The following ATAD2 variants were observed in gnomAD, a reference collection of about 807,000 sequenced individuals.
The protein encoded by ATAD2 is ATPase family AAA domain containing 2, also known as ATPase family AAA domain-containing protein 2.
A neutral mutation model predicts 168.9 loss-of-function variants in ATAD2; 62 were observed. The ratio of observed to expected loss-of-function variants is 0.37; its 90% confidence interval spans 0.30 to 0.45. ATAD2 has a LOEUF of 0.45. Ranked by LOEUF, ATAD2 falls within the 20% of genes least tolerant of loss-of-function variation. The probability of loss-of-function intolerance (pLI) is 1.00; values close to 1 mark genes in which losing one functional copy is unlikely to be tolerated. For missense variants in ATAD2, 1,419 were observed against 1,667.8 expected (o/e 0.85, Z 2.60); for synonymous variants, 613 against 571.6 (o/e 1.07, Z -1.03).
intron 1 of ATAD2, among the ~76,000 whole-genome samples, chr8:123,409,416 G>T (rs184733212): frequency 6.6e-6 from 1 of 152,244 alleles, no homozygotes; most frequent in East Asian, 1.9e-4. Context: ...CTTTAACTTG[G>T]GAAAATAGCA....
In ATAD2 at chr8:123,371,824, G is replaced by A. The variant is rs1405229522; in HGVS notation, c.382C>T (p.Pro128Ser). ...CTAGCCCTCAATGACCGAGTAACTG[G>A]AATCACTTTGTCTTCACAAATGCAT... ...KEEHREDKVI[P>S]VTRSLRARNI... The change falls in exon 4 of 28, where the codon CCA (proline) becomes TCA (serine). Residue 128 changes from proline (P) to serine (S), a missense_variant. Physicochemically the swap from Pro to Ser is moderately conservative, Grantham distance 74 (BLOSUM62 -1). Coordinates refer to ENST00000287394, the MANE Select transcript of ATAD2 (RefSeq NM_014109.4). 6.3e-7 allele frequency: 1 copy of A among 1,597,232 alleles called. No homozygotes were observed. The highest frequency in any genetic ancestry group is 2.2e-5 in the East Asian group (1 of 44,620).
At chr8:123,333,389 G>A in intron 24 of ATAD2, among the ~76,000 whole-genome samples, 1 of 139,956 alleles carries the variant, frequency 7.1e-6, no homozygotes, top group African/African-American at 2.7e-5. Context: ...CAGCCTGGGT[G>A]ACAGAGCGAG....
intron 1 of ATAD2, chr8:123,381,001 G>T: frequency 4.8e-6 from 1 of 209,262 alleles, no homozygotes; most frequent in South Asian, 9.5e-5. Flanking sequence ...TATTATAGTA[G>T]GTACTCATTT....
In ATAD2 at chr8:123,325,906, T is replaced by C. The variant is rs1488956381; in HGVS notation, c.3989A>G (p.His1330Arg). 1.2e-6 allele frequency: 2 copies of C among 1,614,166 alleles called. No individual in the cohort carries two copies. The highest frequency in any genetic ancestry group is 2.2e-5 in the East Asian group (1 of 44,892). ...SQPTPSLVVD[H>R]ERLKNLLKTV... ...CAATTTACATACTTTTAATCGCTCA[T>C]GATCCACAACAAGTGAGGGTGTAGG... The change falls in exon 26 of 28, where the codon CAT (histidine) becomes CGT (arginine). Residue 1330 changes from histidine to arginine, a missense_variant. Physicochemically the swap from His to Arg is conservative, Grantham distance 29. This residue lies in a region of ATAD2 where 303 missense variants were observed against 304.3 expected (regional missense o/e 1.00). Transcript: ENST00000287394.
upstream of ATAD2, among the ~76,000 whole-genome samples, chr8:123,396,687 C>T (rs1313494633): frequency 6.6e-6 from 1 of 152,196 alleles, no homozygotes; most frequent in African/African-American, 2.4e-5. Flanking sequence ...TCGCTGAGCT[C>T]GGCGGAAGGA....
chr8:123,325,700 C>T (rs1471250385), intron 26 of ATAD2, among the ~76,000 whole-genome samples, 193 bp downstream of exon 26: 1 of 152,124 alleles, frequency 6.6e-6, no homozygotes, highest in Non-Finnish European at 1.5e-5. Context: ...GGATTACAGG[C>T]GTGAGCCACT....
At position 123,369,046 on chromosome 8, in the gene ATAD2, TC is replaced by T; in HGVS notation, c.1049+11del. On this transcript the variant is annotated intron_variant, in intron 8 of 27. Coordinates refer to ENST00000287394, the MANE Select transcript of ATAD2 (RefSeq NM_014109.4). The stretch of plus-strand genomic sequence containing the variant: ...ATGTTGTCATAAATCAATCACTATA[TC>T]AGAACCAAACCTGTTCATTCGTTTA... 6.8e-7 allele frequency: 1 copy of T among 1,479,890 alleles called. No homozygotes were observed. The highest frequency in any genetic ancestry group is 9.3e-7 in the Non-Finnish European group (1 of 1,075,680). 91.7% of individuals were successfully genotyped at this position (1,479,890 alleles called of 1,614,324 possible). A position where few individuals can be genotyped will look rare whatever the true frequency, so the allele number is the denominator to read the frequency against.
intron 18 of ATAD2, among the ~76,000 whole-genome samples, chr8:123,345,357 T>C (rs1468852584): frequency 6.6e-6 from 1 of 152,144 alleles, no homozygotes; most frequent in Non-Finnish European, 1.5e-5. Flanking sequence ...TAAAATATTT[T>C]TATGTTTTAA....
chr8:123,415,054 T>C (rs565430061), intron 1 of ATAD2, among the ~76,000 whole-genome samples: 39 of 152,340 alleles, frequency 2.6e-4, no homozygotes, highest in African/African-American at 9.4e-4. Context: ...CCAGGATTTG[T>C]TTCAAGATTT....
intron 15 of ATAD2, 75 bp from the exon 16 acceptor site, chr8:123,347,481 A>G: frequency 7.4e-7 from 1 of 1,348,544 alleles, no homozygotes; most frequent in Non-Finnish European, 1.0e-6. Context: ...TAGCATGACC[A>G]TGGTTAAAAA....
At chr8:123,345,505 A>AC (rs1486473803) in intron 18 of ATAD2, among the ~76,000 whole-genome samples, 1 of 141,466 alleles carries the variant, frequency 7.1e-6, no homozygotes, top group African/African-American at 2.9e-5. Context: ...CTATTAAAAT[A>AC]CAAAAAAAAA....
intron 13 of ATAD2, 126 bp downstream of exon 13, chr8:123,356,263 C>G (rs1828642234): frequency 3.0e-6 from 2 of 672,136 alleles, no homozygotes; most frequent in Non-Finnish European, 4.9e-6. Flanking sequence ...TACTGGGGTT[C>G]TACTACCAAA....
At chr8:123,322,555 G>C (rs929457334) in intron 27 of ATAD2, among the ~76,000 whole-genome samples, 4 of 152,132 alleles carry the variant, frequency 2.6e-5, no homozygotes, top group Admixed American at 2.6e-4. Context: ...TGTGGTCCCA[G>C]CTACTTGGGA....
Position 123,349,384 on chromosome 8 carries a change from C to A in ATAD2, c.1707G>T (p.Val569=). The part of the protein sequence containing the change: ...MDGLDSRGEI[V]VIGATNRLDS... ...CTAGCCTGTTCGTAGCACCAATGAC[C>A]ACAATTTCCCCTCTGCTGTCCAATC... Residue 569 remains valine (V), a synonymous_variant, in exon 14 of 28, where the codon GTG becomes GTT. Coordinates refer to ENST00000287394, the MANE Select transcript of ATAD2 (RefSeq NM_014109.4). The A allele has an allele frequency of 6.2e-7, 1 of 1,614,040 alleles. No homozygotes were observed. The highest frequency in any genetic ancestry group is 8.5e-7 in the Non-Finnish European group (1 of 1,180,004).
intron 8 of ATAD2, among the ~76,000 whole-genome samples, chr8:123,367,776 T>TCTAGATGTACACTTGTGATTCCTACAA (rs1829026478): frequency 2.0e-5 from 3 of 152,068 alleles, no homozygotes; most frequent in African/African-American, 7.2e-5. Context: ...AAATAAGAAA[T>TCTAGATGTACACTTGTGATTCCTACAA]CTAGATGTAC....
In ATAD2 at chr8:123,344,896, A is replaced by G. The variant is rs776901182; in HGVS notation, c.2706T>C (p.Ala902=). 1 of 1,614,094 alleles carries G rather than the reference A, an allele frequency of 6.2e-7. No individual in the cohort carries two copies. Among genetic ancestry groups the G allele is most frequent in the Admixed American group, 1.7e-5 (1 of 60,030 alleles). Residue 902 remains alanine, a synonymous_variant, in exon 19 of 28, where the codon GCT becomes GCC. Transcript: ENST00000287394. The part of the protein sequence containing the change: ...LLATSDKPHS[A]LPEEVQELFI... ...CCACATAAATTACCTCTTCTGGCAA[A>G]GCGGAATGGGGTTTGTCAGAAGTTG...
intron 1 of ATAD2, among the ~76,000 whole-genome samples, chr8:123,382,105 A>G (rs976185093): frequency 6.6e-6 from 1 of 152,190 alleles, no homozygotes; most frequent in Non-Finnish European, 1.5e-5. Context: ...TAACAACTCT[A>G]TAATTCTATG....
At chr8:123,368,136 G>A (rs1270094601) in intron 8 of ATAD2, among the ~76,000 whole-genome samples, 2 of 152,134 alleles carry the variant, frequency 1.3e-5, no homozygotes, top group South Asian at 4.1e-4. Context: ...TTATCTCTTT[G>A]ACCGGGTGTG....
At chr8:123,343,853 C>T (rs1828145357) in intron 19 of ATAD2, among the ~76,000 whole-genome samples, 1 of 152,018 alleles carries the variant, frequency 6.6e-6, no homozygotes. Flanking sequence ...TCAAAGAAGG[C>T]CTCCCTGAGG....
Sources: gnomAD v4.1 joint callset for allele counts (sites outside exome capture counted in the v4.1 genomes callset) on GRCh38, gnomAD v4.1.1 for gene constraint, gnomAD v4.1.1 regional missense constraint, MANE v1.5 for transcripts, NCBI Gene and HGNC (gene_info 2026-07-23, HGNC 2026-07-21) for gene names.